BAZ2B: variants seen among roughly 807,000 people sequenced by gnomAD.
The protein encoded by BAZ2B is bromodomain adjacent to zinc finger domain protein 2B.
Under a neutral mutation model 246.0 loss-of-function variants are expected in BAZ2B, and 91 were observed. That is an observed-to-expected ratio of 0.37 (90% CI 0.31 to 0.44). The LOEUF is 0.44. Among genes scored for constraint, BAZ2B ranks in the 20% least tolerant of loss-of-function variants. The pLI is 1.00. For missense variants in BAZ2B, 2,332 were observed against 2,533.7 expected (o/e 0.92, Z 1.71); for synonymous variants, 855 against 860.0 (o/e 0.99, Z 0.10).
At chr2:159,580,098 G>T (rs1686373929) in intron 1 of BAZ2B, among the ~76,000 whole-genome samples, 1 of 152,128 alleles carries the variant, frequency 6.6e-6, no homozygotes, top group Admixed American at 6.6e-5. Context: ...GAAATAAAGG[G>T]TATTGAATAA....
chr2:159,688,906 G>C, the BAZ2B span, among the ~76,000 whole-genome samples: 1 of 152,158 alleles, frequency 6.6e-6, no homozygotes, highest in Non-Finnish European at 1.5e-5. Flanking sequence ...CATGCTATTG[G>C]TCCCACTACT....
intron 25 of BAZ2B, among the ~76,000 whole-genome samples, chr2:159,379,983 G>A (rs2149481070): frequency 6.6e-6 from 1 of 151,110 alleles, no homozygotes; most frequent in African/African-American, 2.4e-5. Context: ...CATGACTTAT[G>A]GTAGCTTTCC....
At chr2:159,538,513 T>C (rs2086281219) in intron 2 of BAZ2B, among the ~76,000 whole-genome samples, 3 of 152,354 alleles carry the variant, frequency 2.0e-5, no homozygotes, top group Middle Eastern at 3.4e-3. Context: ...TCTATGGTCA[T>C]GTTGCCCATT....
intron 30 of BAZ2B, among the ~76,000 whole-genome samples, chr2:159,348,314 T>C (rs1326146865): frequency 2.0e-5 from 2 of 100,268 alleles, no homozygotes; most frequent in Admixed American, 1.3e-4. Context: ...AGCAAGACTC[T>C]CTCACAAAAA....
chr2:159,666,733 TA>T, the BAZ2B span, among the ~76,000 whole-genome samples: 1 of 152,240 alleles, frequency 6.6e-6, no homozygotes, highest in East Asian at 1.9e-4. Flanking sequence ...CACATGCCTA[TA>T]ATCCCAGCTA....
chr2:159,614,459 G>T (rs576048041), intron 1 of BAZ2B, among the ~76,000 whole-genome samples: 20 of 151,724 alleles, frequency 1.3e-4, no homozygotes, highest in African/African-American at 4.8e-4. Context: ...ATAAATAATA[G>T]AAAAAGAAAA....
chr2:159,383,489 G>GCATT lies in BAZ2B; in HGVS notation c.3761+113_3761+116dup, dbSNP rs1228716193. ...TAATTTTATATCCCATCTAAATTGA[G>GCATT]CATTATCTTTTCTTTAGACAATAAA... On this transcript the variant is annotated intron_variant, in intron 24 of 36. Coordinates refer to ENST00000392783, the MANE Select transcript of BAZ2B (RefSeq NM_013450.4). The GCATT allele has an allele frequency of 3.9e-5, 34 of 875,702 alleles. No individual in the cohort carries two copies. The African/African-American group carries it at 4.7e-4, about 12-fold the overall frequency. The allele number at this position is 875,702 out of a possible 1,614,324, so 54.2% of individuals were successfully genotyped here. A position where few individuals can be genotyped will look rare whatever the true frequency, so the allele number is the denominator to read the frequency against.
At chr2:159,638,935 T>C in the BAZ2B span, among the ~76,000 whole-genome samples, 4 of 152,078 alleles carry the variant, frequency 2.6e-5, no homozygotes, top group Non-Finnish European at 2.9e-5. Context: ...AAGAAGATTA[T>C]CTCAAGAAAT....
At chr2:159,565,636 G>A (rs1197826919) in intron 1 of BAZ2B, among the ~76,000 whole-genome samples, 1 of 152,046 alleles carries the variant, frequency 6.6e-6, no homozygotes, top group African/African-American at 2.4e-5. Flanking sequence ...AATTAGCCAG[G>A]TGTTGTTGCG....
At chr2:159,671,912 C>T in the BAZ2B span, among the ~76,000 whole-genome samples, 41 of 152,030 alleles carry the variant, frequency 2.7e-4, no homozygotes, top group African/African-American at 9.9e-4. Context: ...TCTTGGGAGC[C>T]GCTGAAGAAT....
At chr2:159,697,191 T>TA in the BAZ2B span, among the ~76,000 whole-genome samples, 1 of 151,288 alleles carries the variant, frequency 6.6e-6, no homozygotes, top group Non-Finnish European at 1.5e-5. Context: ...AATCTTTTAA[T>TA]AGTTTTGTAA....
At chr2:159,579,457 CAGG>C (rs1229836816) in intron 1 of BAZ2B, among the ~76,000 whole-genome samples, 1 of 152,124 alleles carries the variant, frequency 6.6e-6, no homozygotes, top group African/African-American at 2.4e-5. Context: ...AAAACAAGTC[CAGG>C]ACCAGATGGA....
the BAZ2B span, among the ~76,000 whole-genome samples, chr2:159,684,994 T>C: frequency 3.9e-5 from 6 of 152,202 alleles, no homozygotes; most frequent in African/African-American, 1.4e-4. Context: ...TGGGTGGAGG[T>C]ATCTTTGCAT....
chr2:159,462,399 A>G (rs1430468882), intron 3 of BAZ2B: 6 of 1,276,484 alleles, frequency 4.7e-6, no homozygotes, highest in Non-Finnish European at 6.8e-6. Flanking sequence ...GCCTTTAGGC[A>G]TTCTGCATTT....
intron 2 of BAZ2B, among the ~76,000 whole-genome samples, chr2:159,529,083 G>A (rs2085075574): frequency 6.6e-6 from 1 of 151,752 alleles, no homozygotes; most frequent in South Asian, 2.1e-4. Flanking sequence ...TGCACGTTGT[G>A]CACATGTACC....
At chr2:159,645,927 G>A in the BAZ2B span, among the ~76,000 whole-genome samples, 1 of 152,182 alleles carries the variant, frequency 6.6e-6, no homozygotes. Context: ...GGCAGGGCAA[G>A]ATCACAGGAC....
chr2:159,349,624 G>C (rs765454864), intron 28 of BAZ2B, 84 bp downstream of exon 28: 1 of 1,363,840 alleles, frequency 7.3e-7, no homozygotes, highest in Non-Finnish European at 9.9e-7. Context: ...AACTATCTGA[G>C]TGAGCCCCCT....
chr2:159,679,965 A>G, the BAZ2B span, among the ~76,000 whole-genome samples: 1 of 152,212 alleles, frequency 6.6e-6, no homozygotes, highest in African/African-American at 2.4e-5. Context: ...ATTGCGATGA[A>G]TTTTGTATCT....
chr2:159,562,371 A>G (rs2089961205), intron 1 of BAZ2B, among the ~76,000 whole-genome samples: 1 of 152,210 alleles, frequency 6.6e-6, no homozygotes, highest in South Asian at 2.1e-4. Flanking sequence ...TAGACTTGGT[A>G]AATTTAAAAA....
Sources: allele counts gnomAD v4.1 joint callset (sites outside exome capture counted in the v4.1 genomes callset), GRCh38; gene constraint gnomAD v4.1.1; transcripts MANE v1.5; gene names NCBI Gene and HGNC (gene_info 2026-07-23, HGNC 2026-07-21).